Variants in SLC18B1 observed in about 807,000 individuals in gnomAD.
SLC18B1 encodes the protein MFS-type transporter SLC18B1.
Under a neutral mutation model 53.9 loss-of-function variants are expected in SLC18B1, and 62 were observed. The ratio of observed to expected loss-of-function variants is 1.15; its 90% confidence interval spans 0.94 to 1.42. The LOEUF (loss-of-function observed/expected upper bound fraction) is 1.42. SLC18B1 is among the 40% of genes most tolerant of loss of function. SLC18B1 has a pLI of 0.00. For synonymous variants in SLC18B1, 217 were observed against 200.9 expected (o/e 1.08, Z -0.68); for missense variants, 598 against 547.3 (o/e 1.09, Z -0.93).
chr6:132,787,888 G>A (rs928684169), intron 4 of SLC18B1, among the ~76,000 whole-genome samples: 13 of 152,044 alleles, frequency 8.6e-5, no homozygotes, highest in Non-Finnish European at 1.5e-4. Flanking sequence ...TCAGCTGGGC[G>A]CAGTGGCTCA....
rs1781708305 is a variant in SLC18B1, at chr6:132,796,979, T to TGG, written c.183+2_183+3insCC. On this transcript the variant is annotated splice_region_variant and intron_variant, in intron 2 of 13. Transcript: ENST00000275227. Reference sequence around the variant, plus strand: ...AGGTCCTAAGGATTTAAAAATGTCTTACCTCTTTGGGGAAAAACGGTCCAA... The same window carrying TGG: ...AGGTCCTAAGGATTTAAAAATGTCTTGGACCTCTTTGGGGAAAAACGGTCCAA... 1 of 1,611,526 alleles carries TGG rather than the reference T, an allele frequency of 6.2e-7. No individual in the cohort carries two copies.
chr6:132,771,195 T>C, intron 11 of SLC18B1, 66 bp from the exon 12 acceptor site: 2 of 1,385,910 alleles, frequency 1.4e-6, no homozygotes, highest in Non-Finnish European at 2.0e-6. Context: ...CATGAAAAGC[T>C]ACATGATCCT....
intron 5 of SLC18B1, among the ~76,000 whole-genome samples, chr6:132,786,620 G>A (rs1207501147): frequency 1.3e-5 from 2 of 151,668 alleles, no homozygotes; most frequent in South Asian, 2.1e-4. Flanking sequence ...TTTATCTGAT[G>A]GTAAAAATTT....
chr6:132,794,224 C>T (rs899212323), intron 2 of SLC18B1, among the ~76,000 whole-genome samples: 1 of 151,698 alleles, frequency 6.6e-6, no homozygotes, highest in Non-Finnish European at 1.5e-5. Context: ...CTGTCTCAGC[C>T]TCCTGAGTAG....
intron 8 of SLC18B1, among the ~76,000 whole-genome samples, chr6:132,774,720 C>A (rs1781058852): frequency 6.6e-6 from 1 of 152,084 alleles, no homozygotes. Flanking sequence ...ACCAGACTAG[C>A]CAACATGGTG....
intron 5 of SLC18B1, among the ~76,000 whole-genome samples, chr6:132,785,007 G>GA (rs1169081082): frequency 7.6e-6 from 1 of 132,108 alleles, no homozygotes; most frequent in Admixed American, 7.8e-5. Context: ...TTTGTGTAAA[G>GA]AAAAAAGAGG....
chr6:132,797,604 GCAAAA>G (rs1205255826), intron 1 of SLC18B1, among the ~76,000 whole-genome samples: 1 of 151,282 alleles, frequency 6.6e-6, no homozygotes, highest in African/African-American at 2.4e-5. Flanking sequence ...TCTCAAAAAA[GCAAAA>G]CAAAACAAAC....
intron 5 of SLC18B1, among the ~76,000 whole-genome samples, chr6:132,785,118 AGTGTGTGTGTGTGT>A (rs3063220): frequency 0.13 from 18,361 of 143,038 alleles, 2,059 homozygotes; most frequent in African/African-American, 0.31. Flanking sequence ...TCTCTCTCTC[AGTGTGTGTGTGTGT>A]GTGTGTGTGT....
chr6:132,797,623 C>CAAA lies in SLC18B1; in HGVS notation c.44-505_44-503dup, dbSNP rs202142578. Among the ~76,000 whole-genome samples, 84 of 151,632 alleles carry CAAA rather than the reference C, an allele frequency of 5.5e-4. 1 individual carries two copies. Among genetic ancestry groups the CAAA allele is most frequent in the Admixed American group, 1.6e-3 (24 of 15,242 alleles). On this transcript the variant is annotated intron_variant, in intron 1 of 13. Coordinates refer to ENST00000275227, the MANE Select transcript of SLC18B1 (RefSeq NM_052831.3). ...AAAAAAGCAAAACAAAACAAACAAA[C>CAAA]AAAAACAAAAACAAAAACAAAAAAC...
intron 4 of SLC18B1, among the ~76,000 whole-genome samples, chr6:132,788,905 C>T (rs1490326059): frequency 1.5e-5 from 2 of 136,276 alleles, no homozygotes; most frequent in Non-Finnish European, 1.5e-5. Context: ...CGATCTCTCC[C>T]GTAGTCAGAC....
intron 2 of SLC18B1, among the ~76,000 whole-genome samples, chr6:132,795,579 G>A (rs746024565): frequency 6.6e-6 from 1 of 152,226 alleles, no homozygotes; most frequent in East Asian, 1.9e-4. Context: ...GTAACACACA[G>A]AACGAAGGAC....
intron 2 of SLC18B1, among the ~76,000 whole-genome samples, chr6:132,791,444 C>T (rs183245144): frequency 3.3e-5 from 5 of 152,240 alleles, no homozygotes; most frequent in African/African-American, 1.2e-4. Flanking sequence ...TGTAAAGATA[C>T]TATCATCATT....
chr6:132,792,528 C>A (rs767753208), intron 2 of SLC18B1, among the ~76,000 whole-genome samples: 1 of 151,974 alleles, frequency 6.6e-6, no homozygotes, highest in Admixed American at 6.6e-5. Flanking sequence ...ACTTATTAGA[C>A]CCTCATTATG....
chr6:132,796,030 T>C lies in SLC18B1; in HGVS notation c.183+952A>G, dbSNP rs898196601. Among the ~76,000 whole-genome samples the C allele has an allele frequency of 5.9e-5, 9 of 151,800 alleles. No individual in the cohort carries two copies. The East Asian group carries it at 1.7e-3, about 30-fold the overall frequency. ...GAGATCGAAGCCAGACTGCCCAACA[T>C]GGCAAAAACCTGTCTCTACTAAAAA... On this transcript the variant is annotated intron_variant, in intron 2 of 13. Coordinates refer to ENST00000275227, the MANE Select transcript of SLC18B1 (RefSeq NM_052831.3).
intron 2 of SLC18B1, among the ~76,000 whole-genome samples, chr6:132,794,258 C>A (rs1178712454): frequency 6.6e-6 from 1 of 151,916 alleles, no homozygotes. Context: ...CACGTGCCAC[C>A]ATGCCTGGCT....
chr6:132,775,444 T>C (rs71574629), intron 8 of SLC18B1, among the ~76,000 whole-genome samples: 5,546 of 152,320 alleles, frequency 0.036, 173 homozygotes, highest in Non-Finnish European at 0.056. Flanking sequence ...TTATGTAAGA[T>C]TATGTCTGAA....
At chr6:132,778,087 G>A (rs1037245108) in intron 7 of SLC18B1, among the ~76,000 whole-genome samples, 1 of 152,140 alleles carries the variant, frequency 6.6e-6, no homozygotes, top group Non-Finnish European at 1.5e-5. Flanking sequence ...TCTCTTGCGG[G>A]CAGGGGCGAG....
At chr6:132,772,577 G>C (rs1781004142) in intron 10 of SLC18B1, among the ~76,000 whole-genome samples, 1 of 152,070 alleles carries the variant, frequency 6.6e-6, no homozygotes, top group Admixed American at 6.6e-5. Flanking sequence ...CTATTGAACT[G>C]ACCCAGCACA....
chr6:132,798,493 T>G lies in SLC18B1; in HGVS notation c.-37A>C. ...GGACTCCGGCGCCCCAGCTCCCGGC[T>G]TCAAGCCACGTCCTTGGACTCGACC... On this transcript the variant is annotated 5_prime_UTR_variant, in exon 1 of 14. Coordinates refer to ENST00000275227, the MANE Select transcript of SLC18B1 (RefSeq NM_052831.3). 6.8e-7 allele frequency: 1 copy of G among 1,469,084 alleles called. No homozygotes were observed. The highest frequency in any genetic ancestry group is 1.3e-5 in the South Asian group (1 of 75,030). 91.0% of individuals were successfully genotyped at this position (1,469,084 alleles called of 1,614,324 possible).
Sources: allele counts gnomAD v4.1 joint callset (sites outside exome capture counted in the v4.1 genomes callset), GRCh38; gene constraint gnomAD v4.1.1; transcripts MANE v1.5; gene names NCBI Gene and HGNC (gene_info 2026-07-23, HGNC 2026-07-21).